The following METTL24 variants were observed in gnomAD, a reference collection of about 807,000 sequenced individuals.
METTL24 encodes the protein methyltransferase like 24.
Under a neutral mutation model 32.7 loss-of-function variants are expected in METTL24, and 29 were observed. That is an observed-to-expected ratio of 0.89 (90% confidence interval 0.66 to 1.21). The LOEUF is 1.21. METTL24 is among the 50% of genes most tolerant of loss of function. The pLI is 0.00. For missense variants in METTL24, 439 were observed against 468.1 expected, an observed-to-expected ratio of 0.94 and a Z score of 0.57; for synonymous variants, 163 against 179.5, an observed-to-expected ratio of 0.91 and a Z score of 0.73.
intron 2 of METTL24, among the ~76,000 whole-genome samples, chr6:110,317,361 C>A (rs1224808945): frequency 6.6e-6 from 1 of 152,124 alleles, no homozygotes; most frequent in African/African-American, 2.4e-5. Flanking sequence ...CTCTGCCTGC[C>A]CACCTCCTAT....
At chr6:110,332,796 C>T (rs576535045) in intron 1 of METTL24, among the ~76,000 whole-genome samples, 1 of 151,616 alleles carries the variant, frequency 6.6e-6, no homozygotes, top group East Asian at 1.9e-4. Context: ...GTAGTCCCAG[C>T]TGCTTGGGAG....
chr6:110,315,241 T>G, intron 3 of METTL24, 101 bp downstream of exon 3: 4 of 1,343,520 alleles, frequency 3.0e-6, no homozygotes, highest in Middle Eastern at 1.8e-4. Flanking sequence ...GCATGGCACC[T>G]GTTACAAACT....
chr6:110,328,973 G>A (rs1219741220), intron 1 of METTL24, among the ~76,000 whole-genome samples: 1 of 152,202 alleles, frequency 6.6e-6, no homozygotes, highest in East Asian at 1.9e-4. Context: ...AGCTTGACAA[G>A]CATGTTTCTA....
intron 4 of METTL24, among the ~76,000 whole-genome samples, chr6:110,260,221 A>G (rs1778467489): frequency 6.6e-6 from 1 of 152,230 alleles, no homozygotes; most frequent in Non-Finnish European, 1.5e-5. Context: ...CTTTGAAAAA[A>G]GATTAGACGA....
At chr6:110,257,487 G>T (rs894753503) in intron 4 of METTL24, among the ~76,000 whole-genome samples, 2 of 152,124 alleles carry the variant, frequency 1.3e-5, no homozygotes, top group Non-Finnish European at 2.9e-5. Context: ...TACCATACTG[G>T]ATGGTGCAGC....
chr6:110,274,597 A>G (rs904795263), intron 4 of METTL24, among the ~76,000 whole-genome samples: 5 of 152,130 alleles, frequency 3.3e-5, no homozygotes, highest in African/African-American at 1.2e-4. Flanking sequence ...CTCAGAAGTC[A>G]CCACAAAAGA....
intron 4 of METTL24, among the ~76,000 whole-genome samples, chr6:110,279,642 T>C (rs1312049934): frequency 6.6e-6 from 1 of 152,156 alleles, no homozygotes; most frequent in African/African-American, 2.4e-5. Flanking sequence ...TAAGATTTTA[T>C]GGAAAAACTA....
At chr6:110,346,772 T>A (rs1292491584) in intron 1 of METTL24, among the ~76,000 whole-genome samples, 10 of 152,242 alleles carry the variant, frequency 6.6e-5, no homozygotes, top group Non-Finnish European at 1.2e-4. Context: ...CCCAAAGTGC[T>A]GGGATTACAG....
At chr6:110,307,918 C>T (rs1208715735) in intron 3 of METTL24, among the ~76,000 whole-genome samples, 1 of 152,128 alleles carries the variant, frequency 6.6e-6, no homozygotes, top group Non-Finnish European at 1.5e-5. Flanking sequence ...TATATTAATG[C>T]TGGGGTTAGA....
chr6:110,316,898 A>G (rs192192388), intron 2 of METTL24, among the ~76,000 whole-genome samples: 189 of 152,334 alleles, frequency 1.2e-3, no homozygotes, highest in African/African-American at 4.3e-3. Flanking sequence ...TCTCAAAAAA[A>G]TAAAAGAAAG....
At chr6:110,295,013 CTTTT>C (rs1195740747) in intron 4 of METTL24, among the ~76,000 whole-genome samples, 8 of 78,142 alleles carry the variant, frequency 1.0e-4, no homozygotes, top group Admixed American at 2.8e-4. Context: ...TTCTTTCTTT[CTTTT>C]TTTTTTTTTT....
intron 4 of METTL24, among the ~76,000 whole-genome samples, chr6:110,283,887 T>C (rs1771177563): frequency 6.6e-6 from 1 of 152,166 alleles, no homozygotes; most frequent in Non-Finnish European, 1.5e-5. Context: ...TCAGTCACAG[T>C]AGCACTACTC....
chr6:110,343,750 C>G (rs769650952), intron 1 of METTL24, among the ~76,000 whole-genome samples: 5 of 152,140 alleles, frequency 3.3e-5, no homozygotes, highest in Non-Finnish European at 5.9e-5. Context: ...AAACTTTAAT[C>G]AGTTTTAGTT....
At chr6:110,310,236 G>T (rs1047483037) in intron 3 of METTL24, among the ~76,000 whole-genome samples, 1 of 152,112 alleles carries the variant, frequency 6.6e-6, no homozygotes, top group African/African-American at 2.4e-5. Context: ...GAGAATTTAT[G>T]TCTTGAAACA....
chr6:110,253,568 T>C (rs1406218005), intron 4 of METTL24, among the ~76,000 whole-genome samples: 1 of 152,178 alleles, frequency 6.6e-6, no homozygotes, highest in Non-Finnish European at 1.5e-5. Context: ...AAAAATATTT[T>C]CTTATAAAAG....
chr6:110,313,491 T>C (rs1337779043), intron 3 of METTL24, among the ~76,000 whole-genome samples: 1 of 152,104 alleles, frequency 6.6e-6, no homozygotes, highest in Non-Finnish European at 1.5e-5. Flanking sequence ...TTAGAAACTT[T>C]CCCCCCAAAC....
chr6:110,289,869 G>A (rs1460651089), intron 4 of METTL24, among the ~76,000 whole-genome samples: 2 of 152,010 alleles, frequency 1.3e-5, no homozygotes, highest in Non-Finnish European at 2.9e-5. Context: ...TAGAATGGTG[G>A]AAATCTACAC....
chr6:110,273,785 C>T (rs796764655), intron 4 of METTL24, among the ~76,000 whole-genome samples: 7 of 152,162 alleles, frequency 4.6e-5, no homozygotes, highest in African/African-American at 1.4e-4. Flanking sequence ...AAAATGTAAA[C>T]TAGTACAACC....
At chr6:110,272,839 A>G (rs923086137) in intron 4 of METTL24, among the ~76,000 whole-genome samples, 1 of 151,078 alleles carries the variant, frequency 6.6e-6, no homozygotes, top group African/African-American at 2.4e-5. Flanking sequence ...TGCTGATTTG[A>G]GTTCCTTGTA....
Sources: gnomAD v4.1 joint callset for allele counts (sites outside exome capture counted in the v4.1 genomes callset) on GRCh38, gnomAD v4.1.1 for gene constraint, MANE v1.5 for transcripts, NCBI Gene and HGNC (gene_info 2026-07-23, HGNC 2026-07-21) for gene names.